Variants in HCRTR2 observed in about 807,000 individuals in gnomAD.
The protein encoded by HCRTR2 is orexin receptor type 2.
A neutral mutation model predicts 49.0 loss-of-function variants in HCRTR2; 22 were observed. The ratio of observed to expected loss-of-function variants is 0.45; its 90% confidence interval spans 0.32 to 0.64. The LOEUF is 0.64. Among genes scored for constraint, HCRTR2 ranks in the 30% least tolerant of loss-of-function variants. HCRTR2 has a pLI of 0.04. For synonymous variants in HCRTR2, 236 were observed against 205.3 expected, an observed-to-expected ratio of 1.15 and a Z score of -1.28; for missense variants, 491 against 559.4, an observed-to-expected ratio of 0.88 and a Z score of 1.23.
At chr6:55,231,017 A>T (rs1293924619) in intron 1 of HCRTR2, among the ~76,000 whole-genome samples, 1 of 152,140 alleles carries the variant, frequency 6.6e-6, no homozygotes, top group Admixed American at 6.5e-5. Flanking sequence ...TGATACCCAT[A>T]GGCCCTTGCT....
chr6:55,177,437 A>T (rs1765060521), intron 1 of HCRTR2, among the ~76,000 whole-genome samples: 2 of 152,164 alleles, frequency 1.3e-5, no homozygotes, highest in African/African-American at 4.8e-5. Context: ...TAGATTGAGA[A>T]TTGCTTCTTT....
In HCRTR2 at chr6:55,174,764, C is replaced by A. The variant is rs539145798; in HGVS notation, c.177C>A (p.Ala59=). Residue 59 remains alanine (A), a synonymous_variant, in exon 1 of 7, where the codon GCC becomes GCA. Transcript: ENST00000370862. ...HPKEYEWVLI[A]GYIIVFVVAL... The stretch of plus-strand genomic sequence containing the variant: ...AAGAATATGAGTGGGTCCTGATCGC[C>A]GGGTACATCATCGTGTTCGTCGTGG... The A allele has an allele frequency of 1.2e-5, 19 of 1,613,998 alleles. 1 individual carries two copies. The South Asian group carries it at 1.9e-4, about 16-fold the overall frequency.
intron 1 of HCRTR2, among the ~76,000 whole-genome samples, chr6:55,167,395 C>T (rs769431709): frequency 3.3e-5 from 5 of 151,970 alleles, no homozygotes; most frequent in Non-Finnish European, 7.4e-5. Flanking sequence ...ATGAATTTCA[C>T]AACACAATGG....
intron 1 of HCRTR2, among the ~76,000 whole-genome samples, chr6:55,135,617 A>T (rs1025551874): frequency 2.6e-5 from 4 of 152,156 alleles, no homozygotes; most frequent in African/African-American, 9.6e-5. Context: ...ATAGATAAGT[A>T]AGCCTTATAG....
intron 4 of HCRTR2, among the ~76,000 whole-genome samples, chr6:55,270,204 T>C (rs1766946798): frequency 6.6e-6 from 1 of 152,158 alleles, no homozygotes; most frequent in African/African-American, 2.4e-5. Context: ...ACAAAAATAA[T>C]GAAAAGGAAA....
At chr6:55,108,841 G>C (rs1764010352) in intron 1 of HCRTR2, among the ~76,000 whole-genome samples, 1 of 152,098 alleles carries the variant, frequency 6.6e-6, no homozygotes, top group African/African-American at 2.4e-5. Flanking sequence ...GGTGAAGGGA[G>C]AGAGCACAGA....
intron 1 of HCRTR2, among the ~76,000 whole-genome samples, chr6:55,182,662 T>C (rs932373072): frequency 6.6e-6 from 1 of 152,216 alleles, no homozygotes; most frequent in African/African-American, 2.4e-5. Context: ...TCTTGCAGAT[T>C]CCTGACCATT....
chr6:55,194,269 C>T (rs1268806778), intron 1 of HCRTR2, among the ~76,000 whole-genome samples: 1 of 152,002 alleles, frequency 6.6e-6, no homozygotes, highest in Non-Finnish European at 1.5e-5. Context: ...TTTACAAGTT[C>T]ACCTATTTAA....
chr6:55,217,318 T>G (rs1241439663), intron 1 of HCRTR2, among the ~76,000 whole-genome samples: 1 of 152,230 alleles, frequency 6.6e-6, no homozygotes, highest in African/African-American at 2.4e-5. Context: ...AGTTTTGCTG[T>G]TTACATGGCT....
At chr6:55,140,917 C>T (rs1581791621) in intron 1 of HCRTR2, among the ~76,000 whole-genome samples, 3 of 152,144 alleles carry the variant, frequency 2.0e-5, no homozygotes, top group Non-Finnish European at 2.9e-5. Flanking sequence ...AAAGAGAGTT[C>T]GGAAGCTGGT....
chr6:55,156,830 C>T (rs2127260442), intron 1 of HCRTR2, among the ~76,000 whole-genome samples: 1 of 151,698 alleles, frequency 6.6e-6, no homozygotes, highest in Non-Finnish European at 1.5e-5. Flanking sequence ...TGACAAGATC[C>T]AACATGTTTT....
chr6:55,136,832 G>T (rs1166612378), intron 1 of HCRTR2, among the ~76,000 whole-genome samples: 2 of 152,156 alleles, frequency 1.3e-5, no homozygotes, highest in Admixed American at 1.3e-4. Flanking sequence ...TTCTGGATTG[G>T]CACAGTGTCC....
intron 1 of HCRTR2, among the ~76,000 whole-genome samples, chr6:55,148,942 CTTTT>C (rs978898973): frequency 1.3e-5 from 2 of 152,064 alleles, no homozygotes; most frequent in African/African-American, 4.8e-5. Context: ...CTGATACTTT[CTTTT>C]TCTTTCCTGC....
chr6:55,191,833 A>G (rs1765320880), intron 1 of HCRTR2, among the ~76,000 whole-genome samples: 1 of 152,102 alleles, frequency 6.6e-6, no homozygotes, highest in East Asian at 1.9e-4. Flanking sequence ...AAAACATAAG[A>G]CTTTAGCAAG....
intron 1 of HCRTR2, among the ~76,000 whole-genome samples, chr6:55,206,582 A>G (rs1165067322): frequency 6.6e-6 from 1 of 151,982 alleles, no homozygotes; most frequent in African/African-American, 2.4e-5. Flanking sequence ...GAAAAATAGC[A>G]TCTACCTATA....
In HCRTR2 at chr6:55,241,861, A is replaced by ATTTTTTTTTTTTTTTTTTTTTTTTTT. The variant is rs917427627; in HGVS notation, c.224-6755_224-6754insTTTTTTTTTTTTTTTTTTTTTTTTTT. ...GTAGTCTGTCTTACTATGGCAACTA[A>ATTTTTTTTTTTTTTTTTTTTTTTTTT]TTTTTTTTTTTTTTTTTTTTTTTGT... On this transcript the variant is annotated intron_variant, in intron 1 of 6. Coordinates refer to ENST00000370862, the MANE Select transcript of HCRTR2 (RefSeq NM_001384272.1). Among the ~76,000 whole-genome samples, 86 of 92,510 alleles carry ATTTTTTTTTTTTTTTTTTTTTTTTTT rather than the reference A, an allele frequency of 9.3e-4. 9 individuals are homozygous for ATTTTTTTTTTTTTTTTTTTTTTTTTT. The highest frequency in any genetic ancestry group is 1.1e-3 in the Non-Finnish European group (49 of 46,514). 60.7% of individuals were successfully genotyped at this position (92,510 alleles called of 152,430 possible). A position where few individuals can be genotyped will look rare whatever the true frequency, so the allele number is the denominator to read the frequency against.
At chr6:55,140,778 A>T (rs1399942765) in intron 1 of HCRTR2, among the ~76,000 whole-genome samples, 5 of 152,166 alleles carry the variant, frequency 3.3e-5, no homozygotes, top group Non-Finnish European at 7.4e-5. Context: ...TTTAATTCCA[A>T]TTTTTTTCTA....
intron 1 of HCRTR2, among the ~76,000 whole-genome samples, chr6:55,177,468 T>G (rs1019823350): frequency 8.5e-5 from 13 of 152,150 alleles, no homozygotes; most frequent in Non-Finnish European, 1.9e-4. Context: ...TATAAGTAAT[T>G]TTGCACATAG....
At chr6:55,198,907 G>T (rs773552159) in intron 1 of HCRTR2, among the ~76,000 whole-genome samples, 1 of 152,164 alleles carries the variant, frequency 6.6e-6, no homozygotes, top group Non-Finnish European at 1.5e-5. Context: ...TAGGTTTCCT[G>T]TGGCAAGATG....
Sources: gnomAD v4.1 joint callset for allele counts (sites outside exome capture counted in the v4.1 genomes callset) on GRCh38, gnomAD v4.1.1 for gene constraint, MANE v1.5 for transcripts, NCBI Gene and HGNC (gene_info 2026-07-23, HGNC 2026-07-21) for gene names.